POR: variants seen among roughly 807,000 people sequenced by gnomAD.
POR encodes NADPH--cytochrome P450 reductase.
A neutral mutation model predicts 84.0 loss-of-function variants in POR; 56 were observed. That is an observed-to-expected ratio of 0.67 (90% CI 0.54 to 0.83). The LOEUF (loss-of-function observed/expected upper bound fraction) is 0.83. POR is among the 40% of genes least tolerant of loss of function. The probability of loss-of-function intolerance (pLI) is 0.00; values close to 1 mark genes in which losing one functional copy is unlikely to be tolerated. For synonymous variants in POR, 414 were observed against 400.5 expected (o/e 1.03, Z -0.40); for missense variants, 938 against 944.3 (o/e 0.99, Z 0.09).
At chr7:75,939,753 G>T (rs1191327912) in intron 1 of POR, among the ~76,000 whole-genome samples, 1 of 151,390 alleles carries the variant, frequency 6.6e-6, no homozygotes, top group Non-Finnish European at 1.5e-5. Flanking sequence ...AATTACAGGG[G>T]TGCGCCACCA....
At chr7:75,935,053 C>G (rs1419551294) in intron 1 of POR, among the ~76,000 whole-genome samples, 1 of 152,156 alleles carries the variant, frequency 6.6e-6, no homozygotes, top group Non-Finnish European at 1.5e-5. Context: ...GTAGATCCAC[C>G]AGCATCTTAC....
Position 75,981,099 on chromosome 7 carries a change from T to TA in POR, c.569dup (p.Tyr190Ter). ...CGAGCACTTCAATGCCATGGGCAAG[T>TA]ACGTGGACAAGCGGCTGGAGCAGCT... Residue 190 changes from tyrosine to a stop codon, truncating the protein, a stop_gained and frameshift_variant, in exon 6 of 16, where the codon TAC (tyrosine) becomes TAAC (stop). Coordinates refer to ENST00000461988, the MANE Select transcript of POR (RefSeq NM_000941.3). LOFTEE classifies it high-confidence loss of function. The TA allele has an allele frequency of 6.4e-7, 1 of 1,572,016 alleles. No individual in the cohort carries two copies. The highest frequency in any genetic ancestry group is 1.2e-5 in the South Asian group (1 of 85,426).
intron 1 of POR, among the ~76,000 whole-genome samples, chr7:75,936,270 ATT>A (rs1361778706): frequency 7.3e-5 from 10 of 136,344 alleles, no homozygotes; most frequent in Non-Finnish European, 8.0e-5. Flanking sequence ...CACCTGGATA[ATT>A]TTTTTTTTTT....
Position 75,980,433 on chromosome 7 carries a change from A to T in POR, c.461A>T (p.Asp154Val), listed in dbSNP as rs1554557552. ...GGAGACCCCACCGACAATGCCCAGG[A>T]CTTCTACGACTGGCTGCAGGAGACA... Residue 154 changes from aspartate (D) to valine (V), a missense_variant, in exon 5 of 16, where the codon GAC becomes GTC. Physicochemically the swap from Asp to Val is radical, Grantham distance 152. Transcript: ENST00000461988. The T allele has an allele frequency of 1.2e-6, 2 of 1,613,210 alleles. No homozygotes were observed. The highest frequency in any genetic ancestry group is 1.6e-4 in the Middle Eastern group (1 of 6,062).
At chr7:75,943,173 G>A (rs1787021062) in intron 1 of POR, among the ~76,000 whole-genome samples, 2 of 152,050 alleles carry the variant, frequency 1.3e-5, no homozygotes, top group Non-Finnish European at 1.5e-5. Context: ...GGATGGTCTC[G>A]ATCTCCTCAC....
At chr7:75,958,083 G>A (rs2116446678) in intron 2 of POR, among the ~76,000 whole-genome samples, 1 of 152,102 alleles carries the variant, frequency 6.6e-6, no homozygotes, top group South Asian at 2.1e-4. Flanking sequence ...AGTTCCTGGT[G>A]CATAGTAGGC....
At chr7:75,948,666 AC>A (rs1787285864) in intron 1 of POR, among the ~76,000 whole-genome samples, 1 of 152,226 alleles carries the variant, frequency 6.6e-6, no homozygotes, top group Admixed American at 6.5e-5. Context: ...CAATCCAGGT[AC>A]CCGAAAATCG....
Position 75,986,545 on chromosome 7 carries a change from C to T in POR, c.*64C>T, listed in dbSNP as rs1201258102. The T allele has an allele frequency of 1.2e-5, 19 of 1,555,956 alleles. No individual in the cohort carries two copies. The Middle Eastern group carries it at 6.5e-4, about 53-fold the overall frequency. Reference sequence around the variant, plus strand: ...GTAATCAGCTCTCCTGGCTCCCTCCCGTAGTCTCCTGGGTGTGTTTGGCTT... The same window carrying T: ...GTAATCAGCTCTCCTGGCTCCCTCCTGTAGTCTCCTGGGTGTGTTTGGCTT... On this transcript the variant is annotated 3_prime_UTR_variant, in exon 16 of 16. Transcript: ENST00000461988.
intron 1 of POR, among the ~76,000 whole-genome samples, chr7:75,936,198 G>C (rs1451617006): frequency 6.7e-6 from 1 of 149,746 alleles, no homozygotes; most frequent in African/African-American, 2.5e-5. Context: ...CTAACTCCCG[G>C]GCTTAAGTAA....
chr7:75,985,361 C>A (rs563354064), intron 12 of POR, 154 bp downstream of exon 12: 342 of 1,172,690 alleles, frequency 2.9e-4, no homozygotes, highest in Admixed American at 1.7e-3. Context: ...AGGCTGTGGA[C>A]TCAGTCGGGC....
chr7:75,980,906 G>A (rs1201969397), intron 5 of POR, 142 bp from the exon 6 acceptor site: 2 of 1,159,644 alleles, frequency 1.7e-6, no homozygotes, highest in East Asian at 2.6e-5. Flanking sequence ...TCCTTGCAGT[G>A]CGAGGCGCCT....
chr7:75,952,761 G>T (rs1787501591), intron 1 of POR, among the ~76,000 whole-genome samples: 1 of 151,806 alleles, frequency 6.6e-6, no homozygotes, highest in African/African-American at 2.4e-5. Flanking sequence ...TCCTAGATGG[G>T]ATGGCGGTGG....
At chr7:75,920,383 ATTC>A (rs1455988130) in intron 1 of POR, among the ~76,000 whole-genome samples, 8 of 152,068 alleles carry the variant, frequency 5.3e-5, no homozygotes, top group African/African-American at 1.9e-4. Context: ...TAAGAATTGA[ATTC>A]TTTAGGAGAC....
intron 1 of POR, among the ~76,000 whole-genome samples, chr7:75,926,309 C>T (rs74705867): frequency 1.3e-3 from 197 of 152,082 alleles, no homozygotes; most frequent in African/African-American, 4.7e-3. Context: ...GCTATTTTTC[C>T]TGTGATATTT....
intron 1 of POR, among the ~76,000 whole-genome samples, chr7:75,925,847 G>A (rs1181295042): frequency 1.3e-5 from 2 of 152,102 alleles, no homozygotes; most frequent in African/African-American, 4.8e-5. Context: ...TTTGGGAGGT[G>A]TGAGCAAGAG....
At chr7:75,929,732 T>C (rs544598744) in intron 1 of POR, among the ~76,000 whole-genome samples, 8 of 152,170 alleles carry the variant, frequency 5.3e-5, no homozygotes, top group Non-Finnish European at 8.8e-5. Flanking sequence ...AAGAGCTGAT[T>C]TGAAACCACC....
chr7:75,952,625 G>A (rs1787493098), intron 1 of POR, among the ~76,000 whole-genome samples: 1 of 150,612 alleles, frequency 6.6e-6, no homozygotes, highest in Admixed American at 6.6e-5. Flanking sequence ...GGGCAGAGAC[G>A]CTCCTCACCT....
chr7:75,985,676 C>A lies in POR; in HGVS notation c.1496C>A (p.Ala499Asp). 6.3e-7 allele frequency: 1 copy of A among 1,594,542 alleles called. No individual in the cohort carries two copies. The highest frequency in any genetic ancestry group is 8.5e-7 in the Non-Finnish European group (1 of 1,172,004). The change falls in exon 13 of 16, where the codon GCC (alanine) becomes GAC (aspartate). Residue 499 changes from alanine (A) to aspartate (D), a missense_variant. Coordinates refer to ENST00000461988, the MANE Select transcript of POR (RefSeq NM_000941.3). ...GGCGTGGCCACCAACTGGCTGCGGG[C>A]CAAGGAGCCTGCCGGGGAGAACGGC...
At chr7:75,944,190 G>A (rs1254024649) in intron 1 of POR, among the ~76,000 whole-genome samples, 6 of 152,110 alleles carry the variant, frequency 3.9e-5, no homozygotes, top group Admixed American at 3.9e-4. Context: ...GCAATGAACT[G>A]ATACCTTCCT....
Sources: allele counts gnomAD v4.1 joint callset (sites outside exome capture counted in the v4.1 genomes callset), GRCh38; gene constraint gnomAD v4.1.1; transcripts MANE v1.5; gene names NCBI Gene and HGNC (gene_info 2026-07-23, HGNC 2026-07-21).